OSGEPL1: variants seen among roughly 807,000 people sequenced by gnomAD.
OSGEPL1 encodes O-sialoglycoprotein endopeptidase like 1, also known as tRNA N6-adenosine threonylcarbamoyltransferase, mitochondrial.
Under a neutral mutation model 37.2 loss-of-function variants are expected in OSGEPL1, and 26 were observed. The ratio of observed to expected loss-of-function variants is 0.70; its 90% CI spans 0.51 to 0.97. The LOEUF (loss-of-function observed/expected upper bound fraction) is 0.97, where lower values mean the gene tolerates loss of function less well. Ranked by LOEUF, OSGEPL1 falls within the 50% of genes least tolerant of loss-of-function variation. The probability of loss-of-function intolerance (pLI) is 0.00; values close to 1 mark genes in which losing one functional copy is unlikely to be tolerated. For missense variants in OSGEPL1, 404 were observed against 487.0 expected, an observed-to-expected ratio of 0.83 and a Z score of 1.60; for synonymous variants, 140 against 159.9, an observed-to-expected ratio of 0.88 and a Z score of 0.94.
chr2:189,761,277 G>T, intron 2 of OSGEPL1, 143 bp downstream of exon 2: 1 of 783,384 alleles, frequency 1.3e-6, no homozygotes, highest in Non-Finnish European at 1.9e-6. Flanking sequence ...TGAAGTGTTT[G>T]AGGTTTTCTA....
At chr2:189,759,386 C>A (rs2046630273) in intron 2 of OSGEPL1, among the ~76,000 whole-genome samples, 1 of 152,078 alleles carries the variant, frequency 6.6e-6, no homozygotes, top group Admixed American at 6.6e-5. Context: ...GTAGCTGCGA[C>A]TACAGGCGTC....
intron 7 of OSGEPL1, among the ~76,000 whole-genome samples, chr2:189,751,593 T>C (rs1318774948): frequency 6.6e-6 from 1 of 151,380 alleles, no homozygotes; most frequent in African/African-American, 2.4e-5. Context: ...TACAGGTGCC[T>C]GCCACTACGC....
intron 2 of OSGEPL1, among the ~76,000 whole-genome samples, chr2:189,757,334 G>A (rs2046228238): frequency 1.3e-5 from 2 of 152,176 alleles, no homozygotes; most frequent in African/African-American, 4.8e-5. Flanking sequence ...TTTCTGGCTT[G>A]GAAGAAGGGA....
At chr2:189,756,008 T>G (rs2046024377) in intron 2 of OSGEPL1, among the ~76,000 whole-genome samples, 1 of 152,138 alleles carries the variant, frequency 6.6e-6, no homozygotes, top group African/African-American at 2.4e-5. Flanking sequence ...CAGAGAACCT[T>G]AAGAACTATA....
chr2:189,750,315 C>T (rs1188097574), intron 8 of OSGEPL1, among the ~76,000 whole-genome samples: 1 of 152,082 alleles, frequency 6.6e-6, no homozygotes, highest in East Asian at 1.9e-4. Context: ...TCCTTTCTAC[C>T]TGCCAGCATC....
At chr2:189,762,918 C>T (rs546888804), upstream of OSGEPL1, 38 of 985,238 alleles carry the variant, frequency 3.9e-5, no homozygotes, top group South Asian at 1.4e-3. Context: ...ACCTGCATTT[C>T]CCCCAGATTT....
intron 5 of OSGEPL1, 29 bp downstream of exon 5, chr2:189,753,887 C>T (rs754720023): frequency 1.2e-6 from 2 of 1,608,208 alleles, no homozygotes; most frequent in South Asian, 2.2e-5. Flanking sequence ...CAAAGTGTAA[C>T]TATTACTATA....
intron 8 of OSGEPL1, among the ~76,000 whole-genome samples, chr2:189,747,492 G>T (rs2044326873): frequency 6.6e-6 from 1 of 152,064 alleles, no homozygotes; most frequent in South Asian, 2.1e-4. Flanking sequence ...CATGAGTATG[G>T]CTTTTGTGGC....
chr2:189,753,883 G>A (rs376014646), intron 5 of OSGEPL1, 33 bp downstream of exon 5: 3 of 1,606,324 alleles, frequency 1.9e-6, no homozygotes, highest in Non-Finnish European at 2.5e-6. Context: ...ATTGCAAAGT[G>A]TAACTATTAC....
intron 2 of OSGEPL1, among the ~76,000 whole-genome samples, chr2:189,759,566 T>C (rs560054410): frequency 6.4e-4 from 98 of 152,202 alleles, no homozygotes; most frequent in Non-Finnish European, 1.2e-3. Context: ...CCTATTTTAC[T>C]GATGTGAAAA....
chr2:189,752,498 T>C (rs556603234), intron 7 of OSGEPL1, among the ~76,000 whole-genome samples, 155 bp downstream of exon 7: 30 of 152,362 alleles, frequency 2.0e-4, no homozygotes, highest in African/African-American at 7.0e-4. Context: ...ATTTCTCATA[T>C]GGTATCAACC....
intron 2 of OSGEPL1, among the ~76,000 whole-genome samples, chr2:189,756,305 A>G (rs954679104): frequency 6.6e-6 from 1 of 152,174 alleles, no homozygotes; most frequent in African/African-American, 2.4e-5. Flanking sequence ...AGTGTAAAGA[A>G]CTAAGAGACA....
chr2:189,756,809 C>T (rs1301804459), intron 2 of OSGEPL1, among the ~76,000 whole-genome samples: 1 of 152,156 alleles, frequency 6.6e-6, no homozygotes, highest in East Asian at 1.9e-4. Context: ...GTCCTTTGAT[C>T]CTTAGAGCCC....
intron 2 of OSGEPL1, among the ~76,000 whole-genome samples, chr2:189,758,083 T>C (rs907012561): frequency 5.9e-5 from 9 of 152,076 alleles, no homozygotes; most frequent in African/African-American, 1.2e-4. Flanking sequence ...TCATGAGATC[T>C]TGTTGTTTAA....
intron 1 of OSGEPL1, 106 bp from the exon 2 acceptor site, chr2:189,761,766 CA>C: frequency 8.3e-7 from 1 of 1,209,628 alleles, no homozygotes; most frequent in Non-Finnish European, 1.1e-6. Context: ...TAAAAGTCAC[CA>C]AAAGTTTGTA....
At chr2:189,747,831 G>A (rs1173237345) in intron 8 of OSGEPL1, among the ~76,000 whole-genome samples, 1 of 152,070 alleles carries the variant, frequency 6.6e-6, no homozygotes, top group Non-Finnish European at 1.5e-5. Flanking sequence ...GGTTACAGGC[G>A]CCTGCCACCA....
upstream of OSGEPL1, chr2:189,763,012 A>T (rs2047348992): frequency 1.0e-6 from 1 of 985,278 alleles, no homozygotes; most frequent in South Asian, 4.7e-5. Flanking sequence ...ACTACACAAC[A>T]TCAAGTTCCA....
intron 5 of OSGEPL1, among the ~76,000 whole-genome samples, chr2:189,753,360 TA>T: frequency 6.6e-6 from 1 of 152,326 alleles, no homozygotes; most frequent in African/African-American, 2.4e-5. Flanking sequence ...TACTACCATT[TA>T]AACATTTTCC....
chr2:189,750,897 T>C (rs1322306767), intron 7 of OSGEPL1, among the ~76,000 whole-genome samples: 1 of 152,156 alleles, frequency 6.6e-6, no homozygotes, highest in Non-Finnish European at 1.5e-5. Flanking sequence ...TTTGCTGTTC[T>C]CAAATACTGT....
Sources: gnomAD v4.1 joint callset for allele counts (sites outside exome capture counted in the v4.1 genomes callset) on GRCh38, gnomAD v4.1.1 for gene constraint, MANE v1.5 for transcripts, NCBI Gene and HGNC (gene_info 2026-07-23, HGNC 2026-07-21) for gene names.